Variants in CCDC73 observed in about 807,000 individuals in gnomAD.
The protein encoded by CCDC73 is coiled-coil domain containing 73.
CCDC73 carries 95 observed loss-of-function variants against 116.5 expected under a neutral mutation model. That is an observed-to-expected ratio of 0.82 (90% CI 0.69 to 0.97). The LOEUF is 0.97. Among genes scored for constraint, CCDC73 ranks in the 50% least tolerant of loss-of-function variants. CCDC73 has a pLI of 0.00. For synonymous variants in CCDC73, 398 were observed against 401.3 expected (o/e 0.99, Z 0.10); for missense variants, 1,066 against 1,206.8 (o/e 0.88, Z 1.73).
chr11:32,803,762 T>C, the CCDC73 span, among the ~76,000 whole-genome samples: 1 of 152,206 alleles, frequency 6.6e-6, no homozygotes, highest in Non-Finnish European at 1.5e-5. Flanking sequence ...AAAAGTGCAG[T>C]ATGTAATCAT....
At chr11:32,678,425 T>A (rs572226225) in intron 7 of CCDC73, among the ~76,000 whole-genome samples, 1 of 152,250 alleles carries the variant, frequency 6.6e-6, no homozygotes, top group Non-Finnish European at 1.5e-5. Context: ...AAGTTTATAA[T>A]AGTATTTCAC....
At chr11:32,661,313 T>A (rs71479173) in intron 9 of CCDC73, among the ~76,000 whole-genome samples, 11,292 of 152,258 alleles carry the variant, frequency 0.074, 472 homozygotes, top group South Asian at 0.12. Context: ...CAATTTTTTT[T>A]ATTATACTTT....
At chr11:32,671,629 A>C (rs1193564072) in intron 9 of CCDC73, among the ~76,000 whole-genome samples, 1 of 152,234 alleles carries the variant, frequency 6.6e-6, no homozygotes, top group Non-Finnish European at 1.5e-5. Flanking sequence ...TAAGACACAT[A>C]AAATTTAAAA....
intron 2 of CCDC73, among the ~76,000 whole-genome samples, chr11:32,729,090 G>A (rs1358183980): frequency 6.6e-6 from 1 of 151,798 alleles, no homozygotes; most frequent in Non-Finnish European, 1.5e-5. Flanking sequence ...GGTGTGCCAT[G>A]ATGGTTTGCT....
Position 32,675,561 on chromosome 11 carries a change from ATACCTTC to A in CCDC73, c.642_645+3del, listed in dbSNP as rs1565073389. The A allele has an allele frequency of 6.5e-7, 1 of 1,531,846 alleles. No homozygotes were observed. The highest frequency in any genetic ancestry group is 8.9e-7 in the Non-Finnish European group (1 of 1,120,660). The allele number at this position is 1,531,846 out of a possible 1,614,324, so 94.9% of individuals were successfully genotyped here. A position where few individuals can be genotyped will look rare whatever the true frequency, so the allele number is the denominator to read the frequency against. ...TTAGTAGTGTGAAACTGTATCAATC[ATACCTTC>A]TTTAAACTGCATATTTCAGCTTCTT... On this transcript the variant is annotated splice_donor_variant and splice_donor_region_variant and coding_sequence_variant and intron_variant, in exon 9 of 18. Transcript: ENST00000335185. LOFTEE classifies it high-confidence loss of function.
At chr11:32,714,671 G>T (rs2133328872) in intron 3 of CCDC73, among the ~76,000 whole-genome samples, 1 of 152,026 alleles carries the variant, frequency 6.6e-6, no homozygotes, top group African/African-American at 2.4e-5. Flanking sequence ...TAAATCTAAG[G>T]AGTCTTGAGA....
chr11:32,642,034 C>G lies in CCDC73; in HGVS notation c.988G>C (p.Glu330Gln). ...TTTTGAAGATTAAGAAACTTTTCTTCATTTTCTTTTACCTTCTCCCTTTGC... is the reference window on the plus strand; with the variant it reads ...TTTTGAAGATTAAGAAACTTTTCTTGATTTTCTTTTACCTTCTCCCTTTGC... ...ELQREKVKEN[E>Q]EKFLNLQNEH... Residue 330 changes from glutamate to glutamine, a missense_variant, in exon 13 of 18, where the codon GAA (glutamate) becomes CAA (glutamine). Physicochemically the swap from Glu to Gln is conservative, Grantham distance 29. Coordinates refer to ENST00000335185, the MANE Select transcript of CCDC73 (RefSeq NM_001008391.4). The G allele has an allele frequency of 6.4e-7, 1 of 1,566,550 alleles. No homozygotes were observed. The highest frequency in any genetic ancestry group is 8.7e-7 in the Non-Finnish European group (1 of 1,154,742).
At chr11:32,652,024 T>C (rs922717169) in intron 12 of CCDC73, among the ~76,000 whole-genome samples, 3 of 152,210 alleles carry the variant, frequency 2.0e-5, no homozygotes, top group Admixed American at 2.0e-4. Flanking sequence ...TAAGGTTTTT[T>C]AAGAATAATA....
intron 2 of CCDC73, among the ~76,000 whole-genome samples, chr11:32,747,592 C>A (rs922140565): frequency 3.3e-5 from 5 of 152,204 alleles, no homozygotes; most frequent in African/African-American, 1.2e-4. Context: ...CTACCCAGTT[C>A]AAGCTTCCTT....
At chr11:32,796,894 C>G (rs144519537), upstream of CCDC73, among the ~76,000 whole-genome samples, 697 of 151,682 alleles carry the variant, frequency 4.6e-3, 2 homozygotes, top group Non-Finnish European at 6.7e-3. Flanking sequence ...CCTGTGTAAT[C>G]CCAGCTGCTC....
At chr11:32,651,247 T>A (rs1855823579) in intron 12 of CCDC73, among the ~76,000 whole-genome samples, 1 of 152,148 alleles carries the variant, frequency 6.6e-6, no homozygotes, top group Non-Finnish European at 1.5e-5. Context: ...ATGCACTCAG[T>A]ACCTGGACTG....
intron 3 of CCDC73, among the ~76,000 whole-genome samples, chr11:32,704,406 G>T (rs1190051676): frequency 6.6e-6 from 1 of 152,192 alleles, no homozygotes. Context: ...GCACACTCGG[G>T]GCAGCGCTGA....
intron 1 of CCDC73, among the ~76,000 whole-genome samples, chr11:32,791,908 T>TGAGCC (rs1384852840): frequency 3.3e-5 from 5 of 151,636 alleles, no homozygotes; most frequent in African/African-American, 1.2e-4. Context: ...GAGGCTGCAG[T>TGAGCC]GAGCCAAGAT....
rs537753381 is a variant in CCDC73, at chr11:32,693,375, A to T, written c.390+5876T>A. 2.0e-5 allele frequency among the ~76,000 whole-genome samples: 3 copies of T among 152,306 alleles called. No individual in the cohort carries two copies. In the East Asian group the frequency reaches 5.8e-4, roughly 29 times the overall value. On this transcript the variant is annotated intron_variant, in intron 6 of 17. Transcript: ENST00000335185. ...GTTGGGAGAAATCACAAGTATCTTC[A>T]TTGCTCTACTCTATTCATGTATCAT...
intron 14 of CCDC73, among the ~76,000 whole-genome samples, chr11:32,629,228 G>A (rs1464163052): frequency 1.3e-5 from 2 of 151,618 alleles, no homozygotes; most frequent in Non-Finnish European, 2.9e-5. Flanking sequence ...AGTAGAGGGG[G>A]ACAGAAAAAA....
chr11:32,714,735 G>A (rs1849930319), intron 3 of CCDC73, among the ~76,000 whole-genome samples: 1 of 152,150 alleles, frequency 6.6e-6, no homozygotes, highest in South Asian at 2.1e-4. Flanking sequence ...CAAGAGGTAT[G>A]GATCAAGACA....
chr11:32,697,463 T>A (rs1856321734), intron 6 of CCDC73, among the ~76,000 whole-genome samples: 1 of 151,076 alleles, frequency 6.6e-6, no homozygotes, highest in African/African-American at 2.4e-5. Flanking sequence ...CAGCACTTGG[T>A]TGTTATATCT....
chr11:32,618,117 A>G (rs1305774453), intron 14 of CCDC73, among the ~76,000 whole-genome samples: 2 of 152,134 alleles, frequency 1.3e-5, no homozygotes, highest in African/African-American at 4.8e-5. Flanking sequence ...CCAACTTATA[A>G]GAAAATTGGT....
rs115547842 is a variant in CCDC73 at position 32,710,692 on chromosome 11, G to A, written c.207+7384C>T. On this transcript the variant is annotated intron_variant, in intron 3 of 17. Coordinates refer to ENST00000335185, the MANE Select transcript of CCDC73 (RefSeq NM_001008391.4). Reference sequence around the variant, plus strand: ...TGGGTAGAATGTTCTGTAAATATACGATAAGTCCATTTGTTCTAGGGTACA... The same window carrying A: ...TGGGTAGAATGTTCTGTAAATATACAATAAGTCCATTTGTTCTAGGGTACA... 3.6e-3 allele frequency among the ~76,000 whole-genome samples: 541 copies of A among 152,222 alleles called. 6 individuals carry two copies. Among genetic ancestry groups the A allele is most frequent in the African/African-American group, 0.013 (522 of 41,548 alleles).
Sources: gnomAD v4.1 joint callset for allele counts (sites outside exome capture counted in the v4.1 genomes callset) on GRCh38, gnomAD v4.1.1 for gene constraint, MANE v1.5 for transcripts, NCBI Gene and HGNC (gene_info 2026-07-23, HGNC 2026-07-21) for gene names.